PPP2R2B: variants seen among roughly 807,000 people sequenced by gnomAD.
PPP2R2B encodes the protein serine/threonine-protein phosphatase 2A 55 kDa regulatory subunit B beta isoform.
In PPP2R2B, 5 loss-of-function variants were observed where a neutral mutation model predicts 46.0. That is an observed-to-expected ratio of 0.11 (90% CI 0.06 to 0.23). The LOEUF is 0.23. Ranked by LOEUF, PPP2R2B falls within the 10% of genes least tolerant of loss-of-function variation. The pLI, the probability that PPP2R2B is intolerant of heterozygous loss-of-function variation, is 1.00. For synonymous variants in PPP2R2B, 215 were observed against 206.7 expected, an observed-to-expected ratio of 1.04 and a Z score of -0.34; for missense variants, 367 against 575.0, an observed-to-expected ratio of 0.64 and a Z score of 3.70.
intron 1 of PPP2R2B, among the ~76,000 whole-genome samples, chr5:146,933,968 G>T (rs1041861962): frequency 6.6e-6 from 1 of 151,968 alleles, no homozygotes; most frequent in East Asian, 1.9e-4. Flanking sequence ...TACTGAGAAT[G>T]ATGATTTCCA....
chr5:146,936,703 CCCTACGG>C (rs1338384053), intron 1 of PPP2R2B, among the ~76,000 whole-genome samples: 1 of 151,926 alleles, frequency 6.6e-6, no homozygotes, highest in East Asian at 1.9e-4. Flanking sequence ...TTCGTTTAGC[CCCTACGG>C]CTGTGGGCTT....
At chr5:146,741,892 AT>A (rs1269970257) in intron 2 of PPP2R2B, among the ~76,000 whole-genome samples, 2 of 152,230 alleles carry the variant, frequency 1.3e-5, no homozygotes, top group Non-Finnish European at 2.9e-5. Flanking sequence ...GTATCCAAAT[AT>A]AAACAGGTGA....
chr5:147,077,734 T>C (rs1343832581), intron 2 of PPP2R2B, among the ~76,000 whole-genome samples: 3 of 152,180 alleles, frequency 2.0e-5, no homozygotes, highest in Non-Finnish European at 4.4e-5. Context: ...TAATTCTTCT[T>C]TTTAAAAAGT....
intron 2 of PPP2R2B, among the ~76,000 whole-genome samples, chr5:146,822,841 C>T (rs1360838817): frequency 6.6e-6 from 1 of 152,132 alleles, no homozygotes; most frequent in South Asian, 2.1e-4. Flanking sequence ...CACTAAAGCA[C>T]CAAGATAAGT....
At chr5:146,863,463 G>T (rs983625503) in intron 2 of PPP2R2B, among the ~76,000 whole-genome samples, 9 of 152,030 alleles carry the variant, frequency 5.9e-5, no homozygotes, top group Admixed American at 5.2e-4. Flanking sequence ...CCTACCCTTG[G>T]CTCCAAGACA....
chr5:147,012,986 C>A (rs1166341527), intron 1 of PPP2R2B, among the ~76,000 whole-genome samples: 1 of 151,786 alleles, frequency 6.6e-6, no homozygotes, highest in African/African-American at 2.4e-5. Context: ...TAGAAAACCC[C>A]ATTGTCTCAG....
At chr5:146,621,108 T>C (rs1366122050) in intron 7 of PPP2R2B, among the ~76,000 whole-genome samples, 1 of 152,250 alleles carries the variant, frequency 6.6e-6, no homozygotes, top group Non-Finnish European at 1.5e-5. Flanking sequence ...AAGCACTGCC[T>C]GGAGGGACCC....
At chr5:146,590,648 T>C (rs890575966) in intron 9 of PPP2R2B, among the ~76,000 whole-genome samples, 1 of 152,106 alleles carries the variant, frequency 6.6e-6, no homozygotes, top group Non-Finnish European at 1.5e-5. Flanking sequence ...TTGTACGTGT[T>C]TAAGGTTTGG....
At chr5:146,819,593 G>C (rs56265054) in intron 2 of PPP2R2B, among the ~76,000 whole-genome samples, 4,016 of 152,292 alleles carry the variant, frequency 0.026, 52 homozygotes, top group Middle Eastern at 0.044. Flanking sequence ...CTTTGGAATA[G>C]TTATCGTTTC....
intron 2 of PPP2R2B, among the ~76,000 whole-genome samples, chr5:147,080,636 G>A (rs371100687): frequency 9.2e-5 from 14 of 152,172 alleles, no homozygotes; most frequent in Admixed American, 7.9e-4. Context: ...CAATGTTCTC[G>A]TAAGTCATAT....
rs1429058918 is a variant in PPP2R2B, at chr5:146,650,679, G to T, written c.493C>A (p.Arg165=). ...PMDLMVEATP[R]RVFANAHTYH... ...GTGTGTGCGTTGGCAAATACTCTTC[G>T]TGGGGTGGCCTCCACCATCAGGTCC... Residue 165 remains arginine (R), a synonymous_variant, in exon 6 of 10, where the codon CGA becomes AGA. Transcript: ENST00000394411. 6.2e-7 allele frequency: 1 copy of T among 1,613,956 alleles called. No individual in the cohort carries two copies.
At chr5:146,983,943 A>G (rs535081946) in intron 1 of PPP2R2B, among the ~76,000 whole-genome samples, 3 of 151,938 alleles carry the variant, frequency 2.0e-5, no homozygotes, top group Non-Finnish European at 4.4e-5. Flanking sequence ...TATTCTTTCT[A>G]AACATTTTTA....
intron 8 of PPP2R2B, among the ~76,000 whole-genome samples, chr5:146,596,287 T>C (rs1011533545): frequency 2.6e-5 from 4 of 152,238 alleles, no homozygotes; most frequent in African/African-American, 7.2e-5. Flanking sequence ...GGAAATGTGA[T>C]TGAGATCTGT....
chr5:146,932,294 T>C (rs1033793220), intron 1 of PPP2R2B, among the ~76,000 whole-genome samples: 5 of 152,152 alleles, frequency 3.3e-5, no homozygotes, highest in African/African-American at 1.2e-4. Flanking sequence ...ACCAAAGATA[T>C]TAAATTGATA....
At chr5:146,734,015 A>G (rs6580439) in intron 2 of PPP2R2B, among the ~76,000 whole-genome samples, 12,799 of 151,238 alleles carry the variant, frequency 0.085, 1,256 homozygotes, top group African/African-American at 0.24. Flanking sequence ...TGCTTTACAT[A>G]TATTACCTCA....
intron 1 of PPP2R2B, among the ~76,000 whole-genome samples, chr5:147,041,823 T>C (rs1271808050): frequency 6.7e-6 from 1 of 150,250 alleles, no homozygotes; most frequent in Non-Finnish European, 1.5e-5. Context: ...GCTTTGTTGA[T>C]GACAGTGTAA....
intron 2 of PPP2R2B, among the ~76,000 whole-genome samples, chr5:146,795,413 C>T (rs1756466405): frequency 1.3e-5 from 2 of 152,060 alleles, no homozygotes; most frequent in South Asian, 2.1e-4. Flanking sequence ...ATACATTACG[C>T]CAAATGAAAT....
At chr5:147,021,596 T>C (rs1755269947) in intron 1 of PPP2R2B, among the ~76,000 whole-genome samples, 1 of 152,178 alleles carries the variant, frequency 6.6e-6, no homozygotes, top group Non-Finnish European at 1.5e-5. Flanking sequence ...CAAGAAAGGC[T>C]ATACCTTAGC....
chr5:146,904,286 C>T (rs1460227633), intron 1 of PPP2R2B, among the ~76,000 whole-genome samples: 1 of 152,072 alleles, frequency 6.6e-6, no homozygotes, highest in African/African-American at 2.4e-5. Flanking sequence ...TATGAAAGGT[C>T]AGTATTCTGG....
Sources: gnomAD v4.1 joint callset for allele counts (sites outside exome capture counted in the v4.1 genomes callset) on GRCh38, gnomAD v4.1.1 for gene constraint, MANE v1.5 for transcripts, NCBI Gene and HGNC (gene_info 2026-07-23, HGNC 2026-07-21) for gene names.